YIPF1: variants seen among roughly 807,000 people sequenced by gnomAD.
YIPF1 encodes protein YIPF1.
YIPF1 carries 22 observed loss-of-function variants against 37.0 expected under a neutral mutation model. The observed-to-expected ratio is 0.59, with a 90% CI of 0.42 to 0.85. YIPF1 has a LOEUF of 0.85. Among genes scored for constraint, YIPF1 ranks in the 40% least tolerant of loss-of-function variants. YIPF1 has a pLI of 0.00. For missense variants in YIPF1, 355 were observed against 373.1 expected, an observed-to-expected ratio of 0.95 and a Z score of 0.40; for synonymous variants, 128 against 131.9, an observed-to-expected ratio of 0.97 and a Z score of 0.21.
intron 3 of YIPF1, among the ~76,000 whole-genome samples, chr1:53,885,106 G>C (rs1006237401): frequency 1.3e-5 from 2 of 152,194 alleles, no homozygotes; most frequent in African/African-American, 4.8e-5. Context: ...CCATGACCTT[G>C]AGCAAATTAC....
Position 53,878,652 on chromosome 1 carries a change from T to A in YIPF1, c.266A>T (p.Asp89Val). 6.2e-7 allele frequency: 1 copy of A among 1,604,230 alleles called. No homozygotes were observed. Among genetic ancestry groups the A allele is most frequent in the Non-Finnish European group, 8.5e-7 (1 of 1,178,092 alleles). The change falls in exon 5 of 11, where the codon GAC becomes GTC. Residue 89 changes from aspartate to valine, a missense_variant. By Grantham distance (152) the Asp-to-Val change is radical (BLOSUM62 -3). Coordinates refer to ENST00000072644, the MANE Select transcript of YIPF1 (RefSeq NM_018982.5). The part of the protein sequence containing the change: ...FEYYQTFFDV[D>V]TYQVFDRIKG... ...AATTGGTTTCCAAACCTGGTAGGTG[T>A]CCACATCAAAGAATGTTTGGTAGTA...
intron 7 of YIPF1, among the ~76,000 whole-genome samples, chr1:53,867,393 GACA>G (rs1375428440): frequency 2.7e-5 from 3 of 110,278 alleles, no homozygotes; most frequent in Admixed American, 1.1e-4. Flanking sequence ...TTTTTTTTGA[GACA>G]GAGTCTTGCT....
rs760281427 is a variant in YIPF1 at position 53,871,371 on chromosome 1, C to A, written c.481+1G>T. 3.1e-6 allele frequency: 5 copies of A among 1,613,194 alleles called. No homozygotes were observed. Among genetic ancestry groups the A allele is most frequent in the Admixed American group, 3.3e-5 (2 of 59,920 alleles). ...CCAAATGAGTCAAGCTATTCACCAA[C>A]CTTTTCGGAATTCGGGCACATAATG... On this transcript the variant is annotated splice_donor_variant, in intron 7 of 10. Coordinates refer to ENST00000072644, the MANE Select transcript of YIPF1 (RefSeq NM_018982.5). LOFTEE classifies it high-confidence loss of function.
intron 4 of YIPF1, among the ~76,000 whole-genome samples, chr1:53,882,098 A>C (rs1650517468): frequency 6.6e-6 from 1 of 152,164 alleles, no homozygotes; most frequent in Non-Finnish European, 1.5e-5. Flanking sequence ...TCCTTAGCAA[A>C]CTAACACAGG....
chr1:53,871,038 G>GAAAA (rs1650176516), intron 7 of YIPF1, among the ~76,000 whole-genome samples: 1 of 139,788 alleles, frequency 7.2e-6, no homozygotes, highest in African/African-American at 2.7e-5. Flanking sequence ...AAAAAAAAAG[G>GAAAA]AATAAACTGC....
chr1:53,864,283 A>C (rs981064310), intron 9 of YIPF1, among the ~76,000 whole-genome samples: 3 of 152,250 alleles, frequency 2.0e-5, no homozygotes, highest in African/African-American at 4.8e-5. Flanking sequence ...CAGCAGACAG[A>C]AAAGTCCCAG....
At chr1:53,853,531 T>A (rs367786908) in intron 10 of YIPF1, among the ~76,000 whole-genome samples, 32 of 152,306 alleles carry the variant, frequency 2.1e-4, no homozygotes, top group African/African-American at 7.2e-4. Flanking sequence ...GAGAATAAGT[T>A]CCTAATGCAT....
chr1:53,864,871 G>T (rs1159900512), intron 9 of YIPF1, among the ~76,000 whole-genome samples: 1 of 152,150 alleles, frequency 6.6e-6, no homozygotes, highest in East Asian at 1.9e-4. Flanking sequence ...GTGCTTTATA[G>T]ATATCATTTT....
intron 3 of YIPF1, among the ~76,000 whole-genome samples, chr1:53,885,735 C>T (rs182089614): frequency 3.4e-5 from 5 of 147,828 alleles, no homozygotes; most frequent in East Asian, 4.0e-4. Flanking sequence ...GCACAAGAAT[C>T]GCTTGAAATG....
chr1:53,880,009 C>T (rs1449260540), intron 4 of YIPF1, among the ~76,000 whole-genome samples: 1 of 152,102 alleles, frequency 6.6e-6, no homozygotes, highest in Non-Finnish European at 1.5e-5. Context: ...CTTATCACTC[C>T]TATTCAATAG....
chr1:53,881,693 A>T (rs544118054), intron 4 of YIPF1, among the ~76,000 whole-genome samples: 2 of 152,340 alleles, frequency 1.3e-5, no homozygotes, highest in South Asian at 4.1e-4. Context: ...GGTGATTATT[A>T]AAAAGTCAAG....
rs55922911 is a variant in YIPF1 at position 53,869,160 on chromosome 1, T to TCACACA, written c.481+2206_481+2211dup. On this transcript the variant is annotated intron_variant, in intron 7 of 10. Coordinates refer to ENST00000072644, the MANE Select transcript of YIPF1 (RefSeq NM_018982.5). ...CTCTCTCTCTCTCTCTCTCTCTCTC[T>TCACACA]CACACACACACACACACACACACAC... Among the ~76,000 whole-genome samples, 1,088 of 138,030 alleles carry TCACACA rather than the reference T, an allele frequency of 7.9e-3. 21 individuals carry two copies. Among genetic ancestry groups the TCACACA allele is most frequent in the African/African-American group, 0.028 (1,001 of 35,706 alleles). 90.6% of individuals were successfully genotyped at this position (138,030 alleles called of 152,430 possible).
intron 4 of YIPF1, among the ~76,000 whole-genome samples, chr1:53,881,956 A>C (rs921097226): frequency 6.6e-6 from 1 of 152,240 alleles, no homozygotes; most frequent in African/African-American, 2.4e-5. Context: ...TACGGAATCA[A>C]CCTAAATGCC....
At chr1:53,859,531 G>T (rs1435563885) in intron 10 of YIPF1, among the ~76,000 whole-genome samples, 1 of 152,078 alleles carries the variant, frequency 6.6e-6, no homozygotes, top group Admixed American at 6.5e-5. Context: ...AGGCAGTAGT[G>T]GCACCCACCT....
chr1:53,878,725 G>T lies in YIPF1; in HGVS notation c.196-3C>A. On this transcript the variant is annotated splice_polypyrimidine_tract_variant and splice_region_variant and intron_variant, in intron 4 of 10. Transcript: ENST00000072644. The stretch of plus-strand genomic sequence containing the variant: ...CTTTTCTTCTGTCCAGCAAGTAACT[G>T]TCAGAAATAAAATAAAACATAATGA... The T allele has an allele frequency of 2.5e-6, 4 of 1,590,654 alleles. No individual in the cohort carries two copies. Among genetic ancestry groups the T allele is most frequent in the Non-Finnish European group, 3.4e-6 (4 of 1,174,854 alleles).
rs1204774413 is a variant in YIPF1 at position 53,871,414 on chromosome 1, G to C, written c.439C>G (p.Leu147Val). Residue 147 changes from leucine to valine, a missense_variant, in exon 7 of 11, where the codon CTG becomes GTG. Coordinates refer to ENST00000072644, the MANE Select transcript of YIPF1 (RefSeq NM_018982.5). ...ACATAATGGTACGTCTTCTCTCCCA[G>C]ATGGATCAAGAAGTTGGAAAGATTC... is the stretch of plus-strand genomic sequence containing the variant. ...SGNLSNFLIH[L>V]GEKTYHYVPE... 63 of 1,613,966 alleles carry C rather than the reference G, an allele frequency of 3.9e-5. No individual in the cohort carries two copies. The highest frequency in any genetic ancestry group is 5.1e-5 in the Non-Finnish European group (60 of 1,179,982).
chr1:53,877,391 C>G (rs1483001991), intron 6 of YIPF1, among the ~76,000 whole-genome samples: 2 of 152,140 alleles, frequency 1.3e-5, no homozygotes, highest in Non-Finnish European at 2.9e-5. Context: ...CATCAGCTTC[C>G]TCATTTGAAA....
At chr1:53,864,504 T>C (rs1452694061) in intron 9 of YIPF1, among the ~76,000 whole-genome samples, 2 of 152,226 alleles carry the variant, frequency 1.3e-5, no homozygotes, top group African/African-American at 4.8e-5. Flanking sequence ...ATTTCATTAA[T>C]CTAATGAAAT....
rs368945494 is a variant in YIPF1, at chr1:53,878,363, C to T, written c.316G>A (p.Gly106Arg). The T allele has an allele frequency of 1.9e-5, 30 of 1,613,914 alleles. No homozygotes were observed. Among genetic ancestry groups the T allele is most frequent in the Admixed American group, 6.7e-5 (4 of 60,008 alleles). ...ATATATAACCTCACAAAGTTTTTCCCGGGTATTGGCAAAAGAGATCCTTTA... is the reference window on the plus strand; with the variant it reads ...ATATATAACCTCACAAAGTTTTTCCTGGGTATTGGCAAAAGAGATCCTTTA... The part of the protein sequence containing the change: ...RIKGSLLPIP[G>R]KNFVRLYIRS... Residue 106 changes from glycine to arginine, a missense_variant, in exon 6 of 11, where the codon GGG (glycine) becomes AGG (arginine). Physicochemically the swap from Gly to Arg is moderately radical, Grantham distance 125. Coordinates refer to ENST00000072644, the MANE Select transcript of YIPF1 (RefSeq NM_018982.5).
Sources: allele counts gnomAD v4.1 joint callset (sites outside exome capture counted in the v4.1 genomes callset), GRCh38; gene constraint gnomAD v4.1.1; transcripts MANE v1.5; gene names NCBI Gene and HGNC (gene_info 2026-07-23, HGNC 2026-07-21).